Variants in ABCC9 observed in about 807,000 individuals in gnomAD.
The protein encoded by ABCC9 is ATP-binding cassette sub-family C member 9.
Under a neutral mutation model 188.3 loss-of-function variants are expected in ABCC9, and 95 were observed. That is an observed-to-expected ratio of 0.50 (90% confidence interval 0.43 to 0.60). ABCC9 has a LOEUF of 0.60. Ranked by LOEUF, ABCC9 falls within the 20% of genes least tolerant of loss-of-function variation. ABCC9 has a pLI of 0.00. For missense variants in ABCC9, 1,102 were observed against 1,876.3 expected, an observed-to-expected ratio of 0.59 and a Z score of 7.62; for synonymous variants, 659 against 652.7, an observed-to-expected ratio of 1.01 and a Z score of -0.15.
chr12:21,854,724 ATTC>A (rs1449445348), intron 22 of ABCC9, among the ~76,000 whole-genome samples: 1 of 152,164 alleles, frequency 6.6e-6, no homozygotes, highest in African/African-American at 2.4e-5. Context: ...AGAAAAAAAT[ATTC>A]TTACTTGAAT....
chr12:21,920,809 G>C (rs1948785571), intron 5 of ABCC9, among the ~76,000 whole-genome samples: 1 of 151,944 alleles, frequency 6.6e-6, no homozygotes, highest in African/African-American at 2.4e-5. Context: ...AAATAAGCGA[G>C]AATATGAGAT....
intron 20 of ABCC9, among the ~76,000 whole-genome samples, chr12:21,862,411 A>T (rs1945564254): frequency 6.6e-6 from 1 of 151,618 alleles, no homozygotes; most frequent in Admixed American, 6.6e-5. Context: ...CTCTCCACTT[A>T]CTTTATTCTC....
chr12:21,906,998 A>T (rs932761216), intron 11 of ABCC9, among the ~76,000 whole-genome samples: 1 of 152,126 alleles, frequency 6.6e-6, no homozygotes, highest in East Asian at 1.9e-4. Context: ...ACAAGGTAAT[A>T]TATGACTAAT....
At chr12:21,848,364 C>T in intron 24 of ABCC9, 118 bp from the exon 25 acceptor site, 1 of 852,948 alleles carries the variant, frequency 1.2e-6, no homozygotes, top group Non-Finnish European at 1.9e-6. Flanking sequence ...GCGCTCTGTG[C>T]TCACTCTGGA....
chr12:21,884,804 A>G (rs1044617443), intron 15 of ABCC9, among the ~76,000 whole-genome samples: 5 of 152,190 alleles, frequency 3.3e-5, no homozygotes, highest in South Asian at 4.1e-4. Context: ...GAGTATGTTC[A>G]TGAACTTTAT....
chr12:21,863,123 C>G (rs1945605555), intron 19 of ABCC9, 69 bp from the exon 20 acceptor site: 2 of 1,004,914 alleles, frequency 2.0e-6, no homozygotes, highest in East Asian at 4.9e-5. Context: ...ATGTATTTTA[C>G]TATAAATAGG....
intron 30 of ABCC9, among the ~76,000 whole-genome samples, chr12:21,836,643 C>T (rs753887595): frequency 1.3e-5 from 2 of 151,894 alleles, no homozygotes; most frequent in Admixed American, 6.6e-5. Flanking sequence ...TTTTCTTAAG[C>T]CCTCTCTCCT....
At chr12:21,837,154 CATGTTAATATCTACATTCA>C (rs1944145978) in intron 30 of ABCC9, among the ~76,000 whole-genome samples, 1 of 152,100 alleles carries the variant, frequency 6.6e-6, no homozygotes, top group Non-Finnish European at 1.5e-5. Flanking sequence ...ATATAAATTT[CATGTTAATATCTACATTCA>C]ATGCCAATAA....
chr12:21,890,725 A>T (rs1947115344), intron 14 of ABCC9, among the ~76,000 whole-genome samples: 1 of 152,056 alleles, frequency 6.6e-6, no homozygotes, highest in Non-Finnish European at 1.5e-5. Context: ...CAAGGACAAA[A>T]AACGAAACAC....
At chr12:21,869,431 A>G (rs1480904909) in intron 18 of ABCC9, among the ~76,000 whole-genome samples, 1 of 152,162 alleles carries the variant, frequency 6.6e-6, no homozygotes, top group Non-Finnish European at 1.5e-5. Context: ...TCTTCACACC[A>G]CAAGTCCGAA....
chr12:21,916,287 G>A (rs1030612444), intron 6 of ABCC9, among the ~76,000 whole-genome samples: 1 of 152,060 alleles, frequency 6.6e-6, no homozygotes, highest in Non-Finnish European at 1.5e-5. Context: ...CTTGATCTAT[G>A]GTTTCCTGAT....
In ABCC9 at chr12:21,842,416, G is replaced by T. The variant is rs1162988246; in HGVS notation, c.3371C>A (p.Ala1124Asp). 1 of 1,614,108 alleles carries T rather than the reference G, an allele frequency of 6.2e-7. No homozygotes were observed. ...LTRSTLLCLS[A>D]IGMISYATPV... ...AGTAGCATAAGAAATCATCCCAATG[G>T]CAGACAGGCAGAGCAGTGTTGAGCG... The change falls in exon 29 of 40, where the codon GCC (alanine) becomes GAC (aspartate). Residue 1124 changes from alanine to aspartate, a missense_variant. Physicochemically the swap from Ala to Asp is moderately radical, Grantham distance 126 (BLOSUM62 -2). Coordinates refer to ENST00000261200, the MANE Select transcript of ABCC9 (RefSeq NM_020297.4).
At chr12:21,870,330 C>G (rs1946007825) in intron 18 of ABCC9, among the ~76,000 whole-genome samples, 4 of 151,836 alleles carry the variant, frequency 2.6e-5, no homozygotes, top group Non-Finnish European at 5.9e-5. Flanking sequence ...ATTCACAGCT[C>G]ACTACAGACT....
intron 31 of ABCC9, chr12:21,827,114 G>T: frequency 1.0e-6 from 1 of 985,354 alleles, no homozygotes; most frequent in Non-Finnish European, 1.2e-6. Flanking sequence ...TCACGTGGGG[G>T]TTAAAGTATT....
intron 12 of ABCC9, among the ~76,000 whole-genome samples, chr12:21,898,882 A>G (rs989095284): frequency 1.3e-4 from 20 of 152,198 alleles, no homozygotes; most frequent in African/African-American, 4.8e-4. Flanking sequence ...AATATATTGG[A>G]AAAAAGGGTT....
rs1452956891 is a variant in ABCC9 at position 21,848,153 on chromosome 12, C to T, written c.2863G>A (p.Glu955Lys). Residue 955 changes from glutamate to lysine, a missense_variant, in exon 25 of 40, where the codon GAA (glutamate) becomes AAA (lysine). Glu to Lys is a moderately conservative substitution (Grantham distance 56). This residue lies in a region of ABCC9 where 131 missense variants were observed against 170.2 expected (regional missense o/e 0.77). Transcript: ENST00000261200. ...EAKAQMEDED[E>K]EEEEEEDEDD... ...AGATAAAAGAAAAAAGATCTACCTT[C>T]GTCTTCGTCCTCCATCTGGGCTTTG... The T allele has an allele frequency of 9.9e-6, 16 of 1,613,132 alleles. No individual in the cohort carries two copies. The highest frequency in any genetic ancestry group is 1.4e-5 in the Non-Finnish European group (16 of 1,179,266).
intron 5 of ABCC9, among the ~76,000 whole-genome samples, chr12:21,921,401 CT>C (rs953438985): frequency 6.6e-6 from 1 of 151,870 alleles, no homozygotes; most frequent in Non-Finnish European, 1.5e-5. Flanking sequence ...TCTTTTGCCC[CT>C]TTTTTATTGG....
intron 15 of ABCC9, among the ~76,000 whole-genome samples, chr12:21,887,204 T>A (rs1946919713): frequency 6.6e-6 from 1 of 152,208 alleles, no homozygotes; most frequent in Admixed American, 6.5e-5. Flanking sequence ...GACAAAATAA[T>A]ATTGACTATG....
At chr12:21,873,020 C>A (rs1490025647) in intron 17 of ABCC9, among the ~76,000 whole-genome samples, 5 of 151,626 alleles carry the variant, frequency 3.3e-5, no homozygotes, top group African/African-American at 1.2e-4. Context: ...CTTTAATATT[C>A]AATTCATTCA....
Sources: allele counts gnomAD v4.1 joint callset (sites outside exome capture counted in the v4.1 genomes callset), GRCh38; gene constraint gnomAD v4.1.1; regional missense constraint gnomAD v4.1.1; transcripts MANE v1.5; gene names NCBI Gene and HGNC (gene_info 2026-07-23, HGNC 2026-07-21).